Variants in IL18BP observed in about 807,000 individuals in gnomAD.
IL18BP encodes interleukin-18-binding protein.
A neutral mutation model predicts 19.9 loss-of-function variants in IL18BP; 23 were observed. The ratio of observed to expected loss-of-function variants is 1.15; its 90% confidence interval spans 0.83 to 1.64. The LOEUF (loss-of-function observed/expected upper bound fraction) is 1.64, where lower values mean the gene tolerates loss of function less well. Ranked by LOEUF, IL18BP falls within the 40% of genes most tolerant of loss-of-function variation. IL18BP has a pLI of 0.00. For missense variants in IL18BP, 239 were observed against 240.7 expected, an observed-to-expected ratio of 0.99 and a Z score of 0.05; for synonymous variants, 107 against 101.0, an observed-to-expected ratio of 1.06 and a Z score of -0.35.
chr11:72,005,049 C>A (rs1955593041), downstream of IL18BP, among the ~76,000 whole-genome samples: 1 of 152,132 alleles, frequency 6.6e-6, no homozygotes, highest in Non-Finnish European at 1.5e-5. Context: ...TCCTGCCTAC[C>A]CCAAGGGACT....
chr11:72,001,009 G>A (rs1463883253), intron 3 of IL18BP, among the ~76,000 whole-genome samples, 192 bp from the exon 4 acceptor site: 2 of 152,224 alleles, frequency 1.3e-5, no homozygotes, highest in Admixed American at 6.5e-5. Flanking sequence ...CACATTCCCC[G>A]TGTTTAGGGC....
chr11:72,001,026 C>T (rs1329653393), intron 3 of IL18BP, among the ~76,000 whole-genome samples, 175 bp from the exon 4 acceptor site: 1 of 152,242 alleles, frequency 6.6e-6, no homozygotes, highest in African/African-American at 2.4e-5. Context: ...GGGCTAGGGC[C>T]TCTCGGAGAC....
chr11:72,006,519 C>T (rs1955720914), downstream of IL18BP, among the ~76,000 whole-genome samples: 4 of 152,270 alleles, frequency 2.6e-5, no homozygotes, highest in South Asian at 8.3e-4. Flanking sequence ...GTAGGGAATG[C>T]AGAGTGTTTA....
downstream of IL18BP, chr11:72,007,093 C>T (rs1429662681): frequency 3.5e-6 from 5 of 1,448,432 alleles, no homozygotes; most frequent in African/African-American, 7.0e-5. Flanking sequence ...ACTGGCTGCT[C>T]ATCCCTCCCT....
chr11:72,007,168 C>T, downstream of IL18BP: 3 of 1,603,366 alleles, frequency 1.9e-6, no homozygotes, highest in South Asian at 3.3e-5. Flanking sequence ...TGCCCTGCAG[C>T]CCCTGTCCCA....
chr11:72,007,284 G>A, downstream of IL18BP: 2 of 1,613,458 alleles, frequency 1.2e-6, no homozygotes, highest in East Asian at 2.2e-5. Context: ...AGGGAGTCCA[G>A]GCTGCTCTCC....
downstream of IL18BP, chr11:72,003,227 C>T (rs1341946131): frequency 8.5e-6 from 4 of 470,132 alleles, no homozygotes; most frequent in East Asian, 1.4e-4. Flanking sequence ...AGGACCCAGC[C>T]ATCAAAACCA....
At chr11:72,008,107 G>A (rs1483400495), downstream of IL18BP, 1 of 479,276 alleles carries the variant, frequency 2.1e-6, no homozygotes, top group Non-Finnish European at 4.2e-6. Flanking sequence ...AGGGTTGTTG[G>A]GGGACAAATC....
downstream of IL18BP, chr11:72,007,167 G>C: frequency 6.2e-7 from 1 of 1,603,158 alleles, no homozygotes; most frequent in Non-Finnish European, 8.5e-7. Flanking sequence ...CTGCCCTGCA[G>C]CCCCTGTCCC....
chr11:72,003,349 A>T (rs960732420), downstream of IL18BP: 43 of 654,938 alleles, frequency 6.6e-5, no homozygotes, highest in Non-Finnish European at 1.1e-5. Context: ...CAGCTCCGAG[A>T]AGGCGCCAGT....
rs1249387348 is a variant in IL18BP at position 72,001,919 on chromosome 11, C to CT, written c.*59dup. On this transcript the variant is annotated 3_prime_UTR_variant, in exon 6 of 6. Transcript: ENST00000393703. ...TGACCAGAGCTTGGGTCCTACCTGT[C>CT]TACCTGGAGTGAACAGTCCCTGACT... The CT allele has an allele frequency of 6.2e-7, 1 of 1,609,692 alleles. No individual in the cohort carries two copies. Among genetic ancestry groups the CT allele is most frequent in the Non-Finnish European group, 8.5e-7 (1 of 1,177,972 alleles).
downstream of IL18BP, chr11:72,002,878 T>C (rs1955353274): frequency 1.8e-5 from 4 of 221,034 alleles, no homozygotes; most frequent in East Asian, 2.0e-4. Flanking sequence ...GGGAGAAAAA[T>C]AGACTTTATT....
chr11:72,005,895 C>T (rs752781901), downstream of IL18BP: 60 of 716,452 alleles, frequency 8.4e-5, no homozygotes, highest in Middle Eastern at 8.2e-4. Context: ...CCTGAGGCTG[C>T]AGGAAGGAGG....
downstream of IL18BP, chr11:72,005,981 G>C: frequency 1.4e-6 from 2 of 1,404,204 alleles, no homozygotes; most frequent in Non-Finnish European, 2.0e-6. Context: ...CCTGTGCCAC[G>C]ATCCACCTTC....
At chr11:72,005,773 G>A (rs1053245354), downstream of IL18BP, 12 of 533,448 alleles carry the variant, frequency 2.2e-5, no homozygotes, top group Middle Eastern at 4.7e-4. Context: ...AGAAGGGCAT[G>A]GAGGACTCCC....
At chr11:72,007,730 T>C (rs1955843625), downstream of IL18BP, 2 of 447,664 alleles carry the variant, frequency 4.5e-6, no homozygotes, top group East Asian at 9.0e-5. Context: ...CTAAGCCCAC[T>C]TCTCTGTTCT....
At chr11:72,004,192 C>A (rs1238372348), downstream of IL18BP, 3 of 1,603,558 alleles carry the variant, frequency 1.9e-6, no homozygotes, top group Non-Finnish European at 2.6e-6. Context: ...CCCGCCAGGG[C>A]GTCGCTTCAT....
intron 1 of IL18BP, chr11:71,999,253 T>G: frequency 2.2e-6 from 1 of 446,152 alleles, no homozygotes; most frequent in Non-Finnish European, 4.5e-6. Flanking sequence ...TCCCCTTGAA[T>G]GTCAGTGTGA....
At position 72,000,469 on chromosome 11, in the gene IL18BP, C is replaced by T. The variant is rs1260042111; in HGVS notation, c.147C>T (p.Asp49=). The T allele has an allele frequency of 1.2e-6, 2 of 1,614,072 alleles. No homozygotes were observed. The highest frequency in any genetic ancestry group is 1.7e-6 in the Non-Finnish European group (2 of 1,180,022). ...AATASVRSTK[D]PCPSQPPVFP... is the part of the protein sequence containing the mutation. Reference sequence around the variant, plus strand: ...CTGCCTCAGTTAGAAGCACAAAGGACCCCTGCCCCTCCCAGCCCCCAGTGT... The same window carrying T: ...CTGCCTCAGTTAGAAGCACAAAGGATCCCTGCCCCTCCCAGCCCCCAGTGT... The change falls in exon 3 of 6, where the codon GAC becomes GAT. Residue 49 remains aspartate, a synonymous_variant. Transcript: ENST00000393703.
Sources: allele counts gnomAD v4.1 joint callset (sites outside exome capture counted in the v4.1 genomes callset), GRCh38; gene constraint gnomAD v4.1.1; transcripts MANE v1.5; gene names NCBI Gene and HGNC (gene_info 2026-07-23, HGNC 2026-07-21).